SLC24A2: variants seen among roughly 807,000 people sequenced by gnomAD.
SLC24A2 encodes sodium/potassium/calcium exchanger 2.
In SLC24A2, 36 loss-of-function variants were observed where a neutral mutation model predicts 62.0. The ratio of observed to expected loss-of-function variants is 0.58; its 90% CI spans 0.44 to 0.77. SLC24A2 has a LOEUF of 0.77. Among genes scored for constraint, SLC24A2 ranks in the 30% least tolerant of loss-of-function variants. The probability of loss-of-function intolerance (pLI) is 0.00; values close to 1 mark genes in which losing one functional copy is unlikely to be tolerated. For missense variants in SLC24A2, 846 were observed against 817.9 expected (o/e 1.03, Z -0.42); for synonymous variants, 358 against 294.0 (o/e 1.22, Z -2.23).
At chr9:19,553,529 G>GA in intron 7 of SLC24A2, among the ~76,000 whole-genome samples, 1 of 152,212 alleles carries the variant, frequency 6.6e-6, no homozygotes, top group Admixed American at 6.5e-5. Flanking sequence ...TCTTTGATAT[G>GA]AAAAATCTGA....
chr9:19,975,183 G>C, the SLC24A2 span, among the ~76,000 whole-genome samples: 4 of 152,152 alleles, frequency 2.6e-5, no homozygotes, highest in African/African-American at 7.2e-5. Context: ...TGATATTTAG[G>C]CTCCAGGTCT....
chr9:19,628,741 T>C (rs1818098320), intron 2 of SLC24A2, among the ~76,000 whole-genome samples: 1 of 152,210 alleles, frequency 6.6e-6, no homozygotes, highest in Admixed American at 6.5e-5. Context: ...GTCCAACCTT[T>C]TGGCTTCCCT....
the SLC24A2 span, among the ~76,000 whole-genome samples, chr9:20,183,480 C>T: frequency 7.9e-5 from 12 of 152,208 alleles, no homozygotes; most frequent in African/African-American, 2.7e-4. Context: ...TCTGAGAAGA[C>T]AGCAGAAAAG....
chr9:19,629,916 T>C (rs1023762505), intron 2 of SLC24A2, among the ~76,000 whole-genome samples: 1 of 152,204 alleles, frequency 6.6e-6, no homozygotes, highest in Non-Finnish European at 1.5e-5. Context: ...TTAACAGTAA[T>C]TATTTGATAA....
the SLC24A2 span, among the ~76,000 whole-genome samples, chr9:20,208,973 G>C: frequency 6.6e-6 from 1 of 152,128 alleles, no homozygotes; most frequent in African/African-American, 2.4e-5. Flanking sequence ...TTCAAACTAC[G>C]GCTCAACTGC....
At chr9:19,998,240 C>T in the SLC24A2 span, among the ~76,000 whole-genome samples, 50 of 152,238 alleles carry the variant, frequency 3.3e-4, no homozygotes, top group African/African-American at 1.2e-3. Context: ...GGCAGATGAA[C>T]TCTGAGTGTG....
At chr9:20,291,151 G>T in the SLC24A2 span, among the ~76,000 whole-genome samples, 2,600 of 152,228 alleles carry the variant, frequency 0.017, 74 homozygotes, top group African/African-American at 0.057. Flanking sequence ...GACAAAATAA[G>T]TGAAAAATGC....
the SLC24A2 span, among the ~76,000 whole-genome samples, chr9:20,003,256 G>A: frequency 2.0e-5 from 3 of 152,154 alleles, no homozygotes; most frequent in African/African-American, 7.2e-5. Context: ...CAGGCAAAAT[G>A]ATGCTTGTAA....
At chr9:19,837,409 G>A in the SLC24A2 span, among the ~76,000 whole-genome samples, 22 of 122,922 alleles carry the variant, frequency 1.8e-4, no homozygotes, top group Non-Finnish European at 3.1e-4. Flanking sequence ...CCGAGATTGC[G>A]CCACTGCAGT....
the SLC24A2 span, among the ~76,000 whole-genome samples, chr9:20,000,018 G>T: frequency 6.6e-6 from 1 of 152,158 alleles, no homozygotes; most frequent in African/African-American, 2.4e-5. Flanking sequence ...ACAGACCTGT[G>T]CTGGAGTCTC....
intron 8 of SLC24A2, among the ~76,000 whole-genome samples, chr9:19,532,434 G>T (rs576523800): frequency 1.3e-5 from 2 of 152,104 alleles, no homozygotes; most frequent in Non-Finnish European, 2.9e-5. Context: ...ATTTGAGGCC[G>T]AATAGAATGT....
At chr9:19,551,614 G>C (rs1349160545) in intron 7 of SLC24A2, among the ~76,000 whole-genome samples, 1 of 152,106 alleles carries the variant, frequency 6.6e-6, no homozygotes, top group East Asian at 1.9e-4. Context: ...AATAACTTTA[G>C]AAAGCTCCTA....
At chr9:19,654,611 T>G (rs1469793994) in intron 2 of SLC24A2, among the ~76,000 whole-genome samples, 1 of 152,202 alleles carries the variant, frequency 6.6e-6, no homozygotes, top group Non-Finnish European at 1.5e-5. Flanking sequence ...GTTCTAACAT[T>G]TGTCCGGCAG....
At chr9:20,104,721 A>G in the SLC24A2 span, among the ~76,000 whole-genome samples, 1 of 152,220 alleles carries the variant, frequency 6.6e-6, no homozygotes, top group South Asian at 2.1e-4. Flanking sequence ...GAAAGGAACA[A>G]CCAGTACCAG....
At chr9:20,249,413 T>C in the SLC24A2 span, among the ~76,000 whole-genome samples, 3 of 152,118 alleles carry the variant, frequency 2.0e-5, no homozygotes, top group Non-Finnish European at 4.4e-5. Context: ...TTAAATGAGA[T>C]AGTCCATCTG....
the SLC24A2 span, among the ~76,000 whole-genome samples, chr9:20,287,724 C>T: frequency 3.3e-5 from 5 of 152,188 alleles, no homozygotes; most frequent in Non-Finnish European, 7.3e-5. Context: ...GCATACTTAA[C>T]ACATTGCCTC....
At chr9:20,210,729 C>T in the SLC24A2 span, among the ~76,000 whole-genome samples, 2 of 140,642 alleles carry the variant, frequency 1.4e-5, no homozygotes, top group Admixed American at 7.6e-5. Context: ...TGGTCTGGAT[C>T]TCCTGACCTC....
chr9:19,999,627 G>A, the SLC24A2 span, among the ~76,000 whole-genome samples: 2 of 152,176 alleles, frequency 1.3e-5, no homozygotes, highest in Admixed American at 1.3e-4. Flanking sequence ...GAAGGATGTG[G>A]TCTAAATAGA....
At chr9:19,796,939 T>C in the SLC24A2 span, among the ~76,000 whole-genome samples, 1 of 152,170 alleles carries the variant, frequency 6.6e-6, no homozygotes, top group Non-Finnish European at 1.5e-5. Context: ...CTTCTCTCCA[T>C]TTCTCTTTCC....
Sources: allele counts gnomAD v4.1 joint callset (sites outside exome capture counted in the v4.1 genomes callset), GRCh38; gene constraint gnomAD v4.1.1; transcripts MANE v1.5; gene names NCBI Gene and HGNC (gene_info 2026-07-23, HGNC 2026-07-21).